Variants in SAMHD1 observed in about 807,000 individuals in gnomAD.
The protein encoded by SAMHD1 is SAM and HD domain containing deoxynucleoside triphosphate triphosphohydrolase 1.
SAMHD1 carries 54 observed loss-of-function variants against 79.6 expected under a neutral mutation model. The observed-to-expected ratio is 0.68, with a 90% CI of 0.55 to 0.85. SAMHD1 has a LOEUF of 0.85. Among genes scored for constraint, SAMHD1 ranks in the 40% least tolerant of loss-of-function variants. SAMHD1 has a pLI of 0.00. For missense variants in SAMHD1, 663 were observed against 782.7 expected (o/e 0.85, Z 1.82); for synonymous variants, 260 against 264.1 (o/e 0.98, Z 0.15).
At chr20:36,939,246 T>C (rs1371326648) in intron 3 of SAMHD1, among the ~76,000 whole-genome samples, 1 of 79,764 alleles carries the variant, frequency 1.3e-5, no homozygotes, top group African/African-American at 5.5e-5. Context: ...AGAGCGAGAC[T>C]CCCTCTCAAA....
At chr20:36,907,116 A>G (rs1601121104) in intron 11 of SAMHD1, among the ~76,000 whole-genome samples, 1 of 150,242 alleles carries the variant, frequency 6.7e-6, no homozygotes, top group South Asian at 2.1e-4. Flanking sequence ...TAAGGAGACA[A>G]GGTCAGGTTC....
chr20:36,948,591 G>A (rs528101088), intron 1 of SAMHD1, among the ~76,000 whole-genome samples: 9 of 151,948 alleles, frequency 5.9e-5, no homozygotes, highest in Non-Finnish European at 7.4e-5. Context: ...ATTGCTGGTC[G>A]GGCGTGGTGG....
intron 4 of SAMHD1, 114 bp from the exon 5 acceptor site, chr20:36,930,989 C>T: frequency 1.4e-6 from 1 of 735,588 alleles, no homozygotes; most frequent in Non-Finnish European, 2.4e-6. Context: ...TTTAGGGCAA[C>T]TTTACTGAAC....
chr20:36,944,200 A>G (rs2063668486), intron 2 of SAMHD1, among the ~76,000 whole-genome samples: 1 of 151,694 alleles, frequency 6.6e-6, no homozygotes, highest in African/African-American at 2.4e-5. Flanking sequence ...ACAAAAAATT[A>G]ACCGGGCATG....
At chr20:36,929,819 A>G (rs1211187914) in intron 5 of SAMHD1, among the ~76,000 whole-genome samples, 1 of 152,198 alleles carries the variant, frequency 6.6e-6, no homozygotes. Flanking sequence ...TGGATCAGAA[A>G]AGACAAGGAG....
chr20:36,946,714 G>GT (rs2063688832), intron 2 of SAMHD1, 24 bp downstream of exon 2: 1 of 1,577,868 alleles, frequency 6.3e-7, no homozygotes, highest in Non-Finnish European at 8.7e-7. Context: ...TGGTTATAAC[G>GT]TGAATTTATT....
chr20:36,912,899 T>TG (rs923482828), intron 9 of SAMHD1, among the ~76,000 whole-genome samples: 9 of 130,342 alleles, frequency 6.9e-5, no homozygotes, highest in South Asian at 5.1e-4. Flanking sequence ...GTTTTTTTTT[T>TG]TTTTTTTTTT....
chr20:36,945,224 C>T (rs2063677888), intron 2 of SAMHD1, among the ~76,000 whole-genome samples: 1 of 152,182 alleles, frequency 6.6e-6, no homozygotes, highest in Admixed American at 6.5e-5. Flanking sequence ...TTCTGTATCA[C>T]TATCTATAAA....
In SAMHD1 at chr20:36,932,459, T is replaced by G. The variant is rs1421347520; in HGVS notation, c.510-1584A>C. Reference sequence around the variant, plus strand: ...TAATACGTATACAGTTTCGTGTTTTTTTTTTTTTTTTTTTGAGATGGAGTC... The same window carrying G: ...TAATACGTATACAGTTTCGTGTTTTGTTTTTTTTTTTTTTGAGATGGAGTC... On this transcript the variant is annotated intron_variant, in intron 4 of 15. Transcript: ENST00000646673. Among the ~76,000 whole-genome samples the G allele has an allele frequency of 3.0e-3, 438 of 144,854 alleles. 5 individuals are homozygous for G. The highest frequency in any genetic ancestry group is 0.011 in the African/African-American group (423 of 39,380).
At chr20:36,898,291 A>T in intron 14 of SAMHD1, 149 bp downstream of exon 14, 1 of 721,632 alleles carries the variant, frequency 1.4e-6, no homozygotes, top group Non-Finnish European at 2.5e-6. Flanking sequence ...GCCTCCCAAA[A>T]CACTGGGATT....
intron 3 of SAMHD1, among the ~76,000 whole-genome samples, chr20:36,936,548 C>T (rs1488648839): frequency 3.3e-5 from 5 of 151,996 alleles, no homozygotes; most frequent in African/African-American, 4.8e-5. Context: ...ACCTCGTGTC[C>T]GCCCGCCTCA....
chr20:36,944,077 CAAAAAA>C (rs542947370), intron 2 of SAMHD1, among the ~76,000 whole-genome samples: 9 of 89,994 alleles, frequency 1.0e-4, no homozygotes, highest in Admixed American at 1.5e-4. Flanking sequence ...GACTCCATCT[CAAAAAA>C]AAAAAAAAAA....
At chr20:36,893,326 C>A in intron 15 of SAMHD1, 1 of 538,846 alleles carries the variant, frequency 1.9e-6, no homozygotes, top group Non-Finnish European at 3.3e-6. Context: ...TACCACTGCC[C>A]ACCTCTATGG....
At chr20:36,901,813 C>G (rs774566001) in intron 13 of SAMHD1, among the ~76,000 whole-genome samples, 1 of 152,170 alleles carries the variant, frequency 6.6e-6, no homozygotes, top group Non-Finnish European at 1.5e-5. Context: ...ATGTTAAGTG[C>G]TCAACAGCTG....
At chr20:36,923,715 T>G (rs954247806) in intron 6 of SAMHD1, among the ~76,000 whole-genome samples, 2 of 151,988 alleles carry the variant, frequency 1.3e-5, no homozygotes, top group Non-Finnish European at 2.9e-5. Flanking sequence ...CTTGGGAGGC[T>G]GAGATGGAAG....
chr20:36,912,658 G>T (rs1189423465), intron 9 of SAMHD1, 106 bp from the exon 10 acceptor site: 4 of 785,172 alleles, frequency 5.1e-6, no homozygotes, highest in African/African-American at 3.4e-5. Flanking sequence ...CAGACAAGAG[G>T]GCTATGCACC....
At chr20:36,912,792 TGCTATG>T (rs1568767352) in intron 9 of SAMHD1, among the ~76,000 whole-genome samples, 2 of 143,358 alleles carry the variant, frequency 1.4e-5, no homozygotes, top group African/African-American at 2.6e-5. Context: ...GATGAGGTCT[TGCTATG>T]TTGCTCAGGC....
intron 1 of SAMHD1, among the ~76,000 whole-genome samples, chr20:36,950,966 A>G (rs1266677926): frequency 6.6e-6 from 1 of 152,120 alleles, no homozygotes; most frequent in African/African-American, 2.4e-5. Flanking sequence ...GCGAGCCTGG[A>G]TGACAGCAAG....
intron 9 of SAMHD1, among the ~76,000 whole-genome samples, chr20:36,915,046 C>T (rs1273518594): frequency 2.6e-5 from 4 of 151,830 alleles, no homozygotes; most frequent in Non-Finnish European, 4.4e-5. Flanking sequence ...ATATGATACA[C>T]GTAACATTCA....
Sources: gnomAD v4.1 joint callset for allele counts (sites outside exome capture counted in the v4.1 genomes callset) on GRCh38, gnomAD v4.1.1 for gene constraint, MANE v1.5 for transcripts, NCBI Gene and HGNC (gene_info 2026-07-23, HGNC 2026-07-21) for gene names.